RAPGEF5: variants seen among roughly 807,000 people sequenced by gnomAD.
The protein encoded by RAPGEF5 is Rap guanine nucleotide exchange factor 5, also known as M-Ras-regulated GEF.
In RAPGEF5, 65 loss-of-function variants were observed where a neutral mutation model predicts 125.2. That is an observed-to-expected ratio of 0.52 (90% CI 0.43 to 0.64). The LOEUF is 0.64. Ranked by LOEUF, RAPGEF5 falls within the 30% of genes least tolerant of loss-of-function variation. The probability of loss-of-function intolerance (pLI) is 0.00; values close to 1 mark genes in which losing one functional copy is unlikely to be tolerated. For missense variants in RAPGEF5, 958 were observed against 1,048.1 expected (o/e 0.91, Z 1.19); for synonymous variants, 391 against 385.9 (o/e 1.01, Z -0.16).
chr7:22,221,104 A>T (rs1048391054), intron 8 of RAPGEF5, among the ~76,000 whole-genome samples: 3 of 152,230 alleles, frequency 2.0e-5, no homozygotes, highest in Admixed American at 6.5e-5. Context: ...GAAGGAAATA[A>T]AAAATTTCTG....
intron 14 of RAPGEF5, among the ~76,000 whole-genome samples, chr7:22,158,211 CAAT>C (rs1295058655): frequency 1.3e-5 from 2 of 152,140 alleles, no homozygotes; most frequent in Non-Finnish European, 2.9e-5. Context: ...TTTAAAATTG[CAAT>C]ATTCAGTCCA....
chr7:22,252,469 C>A (rs1028511079), intron 7 of RAPGEF5, among the ~76,000 whole-genome samples: 2 of 152,318 alleles, frequency 1.3e-5, no homozygotes, highest in East Asian at 1.9e-4. Flanking sequence ...TAATTATTCA[C>A]CTCCTTGGCA....
intron 7 of RAPGEF5, among the ~76,000 whole-genome samples, chr7:22,242,782 T>C (rs1483028814): frequency 6.6e-6 from 1 of 151,712 alleles, no homozygotes; most frequent in South Asian, 2.1e-4. Context: ...AGAAACTCCA[T>C]CTCTACTAAA....
At chr7:22,247,529 A>G (rs879638777) in intron 7 of RAPGEF5, among the ~76,000 whole-genome samples, 1 of 152,160 alleles carries the variant, frequency 6.6e-6, no homozygotes, top group Non-Finnish European at 1.5e-5. Flanking sequence ...GCCTGCTGCC[A>G]TCTAGGACAT....
intron 8 of RAPGEF5, among the ~76,000 whole-genome samples, chr7:22,225,277 A>G (rs768825739): frequency 3.3e-5 from 5 of 152,192 alleles, no homozygotes; most frequent in Non-Finnish European, 7.3e-5. Context: ...TAAAGGCAAA[A>G]TGCTCTTACT....
At chr7:22,260,103 A>G (rs1782112977) in intron 7 of RAPGEF5, among the ~76,000 whole-genome samples, 1 of 152,150 alleles carries the variant, frequency 6.6e-6, no homozygotes, top group South Asian at 2.1e-4. Flanking sequence ...AAAAAAAAAA[A>G]TTAATGGTTG....
chr7:22,320,500 C>T (rs1403339121), intron 1 of RAPGEF5, among the ~76,000 whole-genome samples: 1 of 152,180 alleles, frequency 6.6e-6, no homozygotes, highest in Non-Finnish European at 1.5e-5. Flanking sequence ...CTTATTGCTG[C>T]TGTAAATCAC....
chr7:22,331,219 G>C (rs1352666312), intron 1 of RAPGEF5, among the ~76,000 whole-genome samples: 2 of 152,146 alleles, frequency 1.3e-5, no homozygotes, highest in African/African-American at 2.4e-5. Flanking sequence ...TTTCACTGAG[G>C]GTAAGATTAA....
chr7:22,185,801 T>C (rs1218004612), intron 11 of RAPGEF5, among the ~76,000 whole-genome samples: 1 of 152,190 alleles, frequency 6.6e-6, no homozygotes, highest in Non-Finnish European at 1.5e-5. Context: ...TTTGTGCTAA[T>C]GAATTCAGTC....
intron 5 of RAPGEF5, among the ~76,000 whole-genome samples, chr7:22,308,036 A>G (rs1783382195): frequency 1.3e-5 from 2 of 152,166 alleles, no homozygotes; most frequent in African/African-American, 4.8e-5. Context: ...TTTTATTCCA[A>G]CTTAAGCCCA....
In RAPGEF5 at chr7:22,272,070, G is replaced by A. The variant is rs1185786064; in HGVS notation, c.748-5058C>T. ...AAAGTCAAGGAAAGTTGGGCCGGGC[G>A]CGGTGGCTCATGCCTGCAATCCCAG... On this transcript the variant is annotated intron_variant, in intron 6 of 25. Transcript: ENST00000665637. 2.6e-5 allele frequency among the ~76,000 whole-genome samples: 4 copies of A among 152,186 alleles called. No homozygotes were observed. In the East Asian group the frequency reaches 7.7e-4, roughly 29 times the overall value.
chr7:22,309,970 T>A lies in RAPGEF5; in HGVS notation c.510A>T (p.Ser170=). The A allele has an allele frequency of 1.3e-6, 2 of 1,581,192 alleles. No individual in the cohort carries two copies. The highest frequency in any genetic ancestry group is 1.7e-6 in the Non-Finnish European group (2 of 1,169,378). ...GTGCCTTCAAGACATAATACTAACC[T>A]GATAACATAATTCCCATGTCCAGTA... The part of the protein sequence containing the change: ...QLLLDMGIML[S]VDQHLYFQDT... Residue 170 remains serine, a splice_region_variant and synonymous_variant, in exon 4 of 26, where the codon TCA becomes TCT. Transcript: ENST00000665637.
intron 9 of RAPGEF5, among the ~76,000 whole-genome samples, chr7:22,212,362 T>C (rs1365160924): frequency 2.0e-5 from 3 of 152,136 alleles, no homozygotes; most frequent in African/African-American, 7.2e-5. Context: ...TCTCTCTCTC[T>C]CTCAGGGAAA....
At chr7:22,199,415 AT>A (rs1327399065) in intron 9 of RAPGEF5, among the ~76,000 whole-genome samples, 3 of 151,028 alleles carry the variant, frequency 2.0e-5, no homozygotes, top group African/African-American at 7.3e-5. Context: ...GCTGGTGGAG[AT>A]GGGGCTCCCA....
At chr7:22,251,278 C>T (rs982095835) in intron 7 of RAPGEF5, among the ~76,000 whole-genome samples, 4 of 152,180 alleles carry the variant, frequency 2.6e-5, no homozygotes, top group Non-Finnish European at 5.9e-5. Context: ...CAATGCCACC[C>T]CCCCAGCAAC....
intron 16 of RAPGEF5, 134 bp from the exon 17 acceptor site, chr7:22,154,738 G>A (rs1783750586): frequency 2.2e-6 from 2 of 918,262 alleles, no homozygotes; most frequent in Admixed American, 6.2e-5. Context: ...AACACATACA[G>A]AGTTAGATTT....
In RAPGEF5 at chr7:22,121,057, T is replaced by C. The variant is rs1300179113; in HGVS notation, c.*1349A>G. 1 of 152,146 alleles carries C rather than the reference T, an allele frequency of 6.6e-6. No homozygotes were observed. The highest frequency in any genetic ancestry group is 1.9e-4 in the East Asian group (1 of 5,194). 9.4% of individuals were successfully genotyped at this position (152,146 alleles called of 1,614,324 possible). A position where few individuals can be genotyped will look rare whatever the true frequency, so the allele number is the denominator to read the frequency against. On this transcript the variant is annotated 3_prime_UTR_variant, in exon 26 of 26. Coordinates refer to ENST00000665637, the MANE Select transcript of RAPGEF5 (RefSeq NM_012294.5). ...GCATTTTAGCAAGGTGACAAGTATC[T>C]AGCAGGCAGGGGTGGATTTCATTAT...
intron 11 of RAPGEF5, among the ~76,000 whole-genome samples, chr7:22,175,045 G>T (rs1014282478): frequency 6.6e-6 from 1 of 152,150 alleles, no homozygotes; most frequent in East Asian, 1.9e-4. Flanking sequence ...GTAAGGGAAA[G>T]ATGAGTTAAG....
intron 1 of RAPGEF5, among the ~76,000 whole-genome samples, chr7:22,326,454 C>T (rs1387192194): frequency 6.6e-6 from 1 of 152,172 alleles, no homozygotes; most frequent in Admixed American, 6.5e-5. Flanking sequence ...GCCATCAAAG[C>T]CAAAAGTATT....
Sources: gnomAD v4.1 joint callset for allele counts (sites outside exome capture counted in the v4.1 genomes callset) on GRCh38, gnomAD v4.1.1 for gene constraint, MANE v1.5 for transcripts, NCBI Gene and HGNC (gene_info 2026-07-23, HGNC 2026-07-21) for gene names.